Variants in IKBIP observed in about 807,000 individuals in gnomAD.
The protein encoded by IKBIP is IKBKB interacting protein.
IKBIP carries 28 observed loss-of-function variants against 31.0 expected under a neutral mutation model. The ratio of observed to expected loss-of-function variants is 0.90; its 90% CI spans 0.67 to 1.24. The LOEUF (loss-of-function observed/expected upper bound fraction) is 1.24. IKBIP is among the 50% of genes most tolerant of loss of function. The probability of loss-of-function intolerance (pLI) is 0.00; values close to 1 mark genes in which losing one functional copy is unlikely to be tolerated. For synonymous variants in IKBIP, 164 were observed against 160.3 expected, an observed-to-expected ratio of 1.02 and a Z score of -0.17; for missense variants, 453 against 441.9, an observed-to-expected ratio of 1.03 and a Z score of -0.23.
exon 3 of IKBIP, chr12:98,613,707 C>A: frequency 6.2e-7 from 1 of 1,611,762 alleles, no homozygotes; most frequent in Non-Finnish European, 8.5e-7. Context: ...TGTAGTAAGT[C>A]GGTAACCAAT....
At chr12:98,616,212 T>A (rs907820807) in intron 2 of IKBIP, among the ~76,000 whole-genome samples, 1 of 152,214 alleles carries the variant, frequency 6.6e-6, no homozygotes, top group African/African-American at 2.4e-5. Flanking sequence ...TATCTCATTG[T>A]GGTTTTAATT....
chr12:98,644,440 C>G, intron 1 of IKBIP, 83 bp downstream of exon 1: 2 of 1,387,116 alleles, frequency 1.4e-6, no homozygotes, highest in Non-Finnish European at 1.9e-6. Context: ...TGGATCACCT[C>G]CGGCTGGATG....
chr12:98,626,841 A>G, intron 2 of IKBIP, 75 bp from the exon 3 acceptor site: 1 of 1,212,444 alleles, frequency 8.2e-7, no homozygotes, highest in Admixed American at 2.3e-5. Context: ...TTTAACAATC[A>G]GGAGCATAAC....
intron 1 of IKBIP, among the ~76,000 whole-genome samples, chr12:98,640,779 T>A (rs1325476574): frequency 6.6e-6 from 1 of 152,110 alleles, no homozygotes; most frequent in East Asian, 1.9e-4. Flanking sequence ...GGCCTTTTTT[T>A]TTTTGCAGGG....
At chr12:98,622,265 C>A (rs2097610737), downstream of IKBIP, among the ~76,000 whole-genome samples, 1 of 151,578 alleles carries the variant, frequency 6.6e-6, no homozygotes, top group Non-Finnish European at 1.5e-5. Context: ...GTGGCTTACA[C>A]CTCTAATCCC....
At chr12:98,628,905 T>G (rs1565841063) in intron 2 of IKBIP, among the ~76,000 whole-genome samples, 2 of 152,054 alleles carry the variant, frequency 1.3e-5, no homozygotes, top group Non-Finnish European at 2.9e-5. Flanking sequence ...CACAGTAGAT[T>G]ATAAGTAGCG....
chr12:98,627,693 C>T lies in IKBIP; in HGVS notation c.298-927G>A, dbSNP rs190882889. 2.8e-3 allele frequency among the ~76,000 whole-genome samples: 428 copies of T among 152,326 alleles called. 5 individuals carry two copies. Among genetic ancestry groups the T allele is most frequent in the African/African-American group, 9.9e-3 (410 of 41,578 alleles). On this transcript the variant is annotated intron_variant, in intron 2 of 2. Transcript: ENST00000299157. ...GACCTCGTGATCCGCCCACCTCAGC[C>T]TCCCAAAGTGCTGGGATTACAGGCG... is the stretch of plus-strand genomic sequence containing the variant.
chr12:98,626,816 A>G, intron 2 of IKBIP, 50 bp from the exon 3 acceptor site: 4 of 1,430,338 alleles, frequency 2.8e-6, no homozygotes, highest in Non-Finnish European at 3.8e-6. Flanking sequence ...TAATTTTCAT[A>G]TTAGAGAAAC....
At chr12:98,632,087 C>A (rs576852172) in intron 2 of IKBIP, among the ~76,000 whole-genome samples, 2 of 152,056 alleles carry the variant, frequency 1.3e-5, no homozygotes, top group South Asian at 4.2e-4. Flanking sequence ...AACTCCTGAC[C>A]TCGTGATCTG....
intron 1 of IKBIP, among the ~76,000 whole-genome samples, chr12:98,636,589 T>G (rs1204736708): frequency 6.6e-6 from 1 of 152,242 alleles, no homozygotes; most frequent in East Asian, 1.9e-4. Flanking sequence ...GAAATACATT[T>G]CTTTTGATGA....
At chr12:98,642,256 G>A (rs1449490255) in intron 1 of IKBIP, among the ~76,000 whole-genome samples, 1 of 152,124 alleles carries the variant, frequency 6.6e-6, no homozygotes, top group Non-Finnish European at 1.5e-5. Flanking sequence ...CCACCTCCCA[G>A]GTTCAAGTGA....
At chr12:98,619,159 A>G (rs1348270066) in intron 2 of IKBIP, among the ~76,000 whole-genome samples, 1 of 152,242 alleles carries the variant, frequency 6.6e-6, no homozygotes, top group African/African-American at 2.4e-5. Context: ...ACAAATAGGA[A>G]GGAAACCAAG....
In IKBIP at chr12:98,624,799, T is replaced by C; in HGVS notation, c.*1131A>G. 1.2e-6 allele frequency: 1 copy of C among 843,682 alleles called. No homozygotes were observed. Among genetic ancestry groups the C allele is most frequent in the East Asian group, 1.2e-4 (1 of 8,140 alleles). The allele number at this position is 843,682 out of a possible 1,614,324, so 52.3% of individuals were successfully genotyped here. On this transcript the variant is annotated 3_prime_UTR_variant, in exon 3 of 3. Coordinates refer to ENST00000299157, the MANE Select transcript of IKBIP (RefSeq NM_153687.4). ...TCCCTCAAAACAGGCCACAGGCTTA[T>C]TTTTATTTATTTATTTATTTATTGA...
At chr12:98,634,448 T>C in intron 1 of IKBIP, 35 bp from the exon 2 acceptor site, 1 of 1,034,528 alleles carries the variant, frequency 9.7e-7, no homozygotes, top group Non-Finnish European at 1.5e-6. Context: ...ATTCTCCAAT[T>C]CATATCCATT....
intron 2 of IKBIP, among the ~76,000 whole-genome samples, chr12:98,627,045 T>C (rs982482399): frequency 6.6e-6 from 1 of 152,174 alleles, no homozygotes; most frequent in African/African-American, 2.4e-5. Context: ...CTCAGCTCAC[T>C]GCAACCTCCG....
intron 2 of IKBIP, among the ~76,000 whole-genome samples, chr12:98,630,546 G>A (rs137934738): frequency 1.3e-5 from 2 of 152,020 alleles, no homozygotes; most frequent in East Asian, 3.9e-4. Flanking sequence ...CTCCAACAAC[G>A]TTGTTTCGAT....
chr12:98,637,981 T>C (rs1043977552), intron 1 of IKBIP, among the ~76,000 whole-genome samples: 1 of 152,202 alleles, frequency 6.6e-6, no homozygotes, highest in African/African-American at 2.4e-5. Flanking sequence ...GGGCATATTC[T>C]AGTGAGAGCA....
At chr12:98,641,769 C>T (rs557940494) in intron 1 of IKBIP, among the ~76,000 whole-genome samples, 122 of 143,200 alleles carry the variant, frequency 8.5e-4, no homozygotes, top group African/African-American at 3.1e-3. Flanking sequence ...TATCTTCTCA[C>T]CTCAGCCTCC....
intron 1 of IKBIP, 126 bp downstream of exon 1, chr12:98,644,397 G>C (rs1277354318): frequency 2.2e-6 from 2 of 897,608 alleles, no homozygotes; most frequent in Admixed American, 3.0e-5. Context: ...TTGGGGTCAA[G>C]ACAGAGGCAC....
Sources: gnomAD v4.1 joint callset for allele counts (sites outside exome capture counted in the v4.1 genomes callset) on GRCh38, gnomAD v4.1.1 for gene constraint, MANE v1.5 for transcripts, NCBI Gene and HGNC (gene_info 2026-07-23, HGNC 2026-07-21) for gene names.